Variants in KRABD2 observed in about 807,000 individuals in gnomAD.
The protein encoded by KRABD2 is KRAB domain-containing protein 2.
chr17:8,360,366 T>G, the KRABD2 span, among the ~76,000 whole-genome samples: 2 of 152,126 alleles, frequency 1.3e-5, no homozygotes, highest in Non-Finnish European at 1.5e-5. Flanking sequence ...AGTCTCATAT[T>G]AAAACGGAAA....
chr17:8,361,543 G>C, the KRABD2 span, among the ~76,000 whole-genome samples: 1 of 152,186 alleles, frequency 6.6e-6, no homozygotes, highest in Non-Finnish European at 1.5e-5. Flanking sequence ...GTCCAACTTG[G>C]ATGCCAGGTT....
At chr17:8,371,999 C>T in the KRABD2 span, 2 of 985,674 alleles carry the variant, frequency 2.0e-6, no homozygotes, top group Non-Finnish European at 2.4e-6. Context: ...CACATGAGGA[C>T]TGCAGGAATT....
At chr17:8,366,975 C>A in the KRABD2 span, among the ~76,000 whole-genome samples, 1 of 151,986 alleles carries the variant, frequency 6.6e-6, no homozygotes, top group Admixed American at 6.6e-5. Flanking sequence ...GCCGCCTAAG[C>A]CTCCAAAGTG....
chr17:8,369,028 C>A, the KRABD2 span: 3 of 1,475,680 alleles, frequency 2.0e-6, no homozygotes, highest in Non-Finnish European at 2.7e-6. Context: ...TACAACTTGA[C>A]CTGAGAGTGC....
chr17:8,363,834 T>TACATAC, the KRABD2 span, among the ~76,000 whole-genome samples: 1 of 45,372 alleles, frequency 2.2e-5, no homozygotes, highest in Non-Finnish European at 4.6e-5. Context: ...ATCATACATA[T>TACATAC]ATATATATAT....
the KRABD2 span, chr17:8,371,849 A>T: frequency 9.6e-7 from 1 of 1,041,652 alleles, no homozygotes; most frequent in Non-Finnish European, 1.2e-6. Flanking sequence ...TCCTGCAGAA[A>T]AGAGATACCC....
the KRABD2 span, among the ~76,000 whole-genome samples, chr17:8,363,791 T>C: frequency 6.9e-6 from 1 of 145,010 alleles, no homozygotes; most frequent in Non-Finnish European, 1.5e-5. Context: ...GTCATACATA[T>C]ATATCATACA....
At chr17:8,364,351 CTTTTTCT>C in the KRABD2 span, among the ~76,000 whole-genome samples, 3 of 152,110 alleles carry the variant, frequency 2.0e-5, no homozygotes, top group South Asian at 2.1e-4. The surrounding 1 kb of genome is among the most constrained non-coding windows in gnomAD (Gnocchi z 4.4). Flanking sequence ...GGCCATTTTT[CTTTTTCT>C]TTTTTCTTTT....
the KRABD2 span, chr17:8,371,920 A>C: frequency 1.0e-6 from 1 of 993,026 alleles, no homozygotes. Context: ...CTTGATACTC[A>C]GTTGTCTAAA....
the KRABD2 span, chr17:8,369,257 G>T: frequency 4.3e-6 from 7 of 1,614,200 alleles, no homozygotes; most frequent in Non-Finnish European, 5.9e-6. Flanking sequence ...CTTCCTGCCT[G>T]ATCCAAAGGC....
chr17:8,369,495 C>T, the KRABD2 span: 1 of 1,614,054 alleles, frequency 6.2e-7, no homozygotes, highest in Middle Eastern at 1.6e-4. Flanking sequence ...CATCCAGGTA[C>T]TTATCATGTT....
the KRABD2 span, among the ~76,000 whole-genome samples, chr17:8,375,570 T>TTTA: frequency 6.6e-6 from 1 of 151,258 alleles, no homozygotes; most frequent in Admixed American, 6.6e-5. Context: ...GGGTCTCACT[T>TTTA]TGTCACCCAG....
At chr17:8,365,209 G>C in the KRABD2 span, among the ~76,000 whole-genome samples, 1 of 152,080 alleles carries the variant, frequency 6.6e-6, no homozygotes, top group Non-Finnish European at 1.5e-5. Context: ...TGCAAAAGAG[G>C]AAGAGTGATG....
chr17:8,374,434 G>C, the KRABD2 span, among the ~76,000 whole-genome samples: 1 of 151,938 alleles, frequency 6.6e-6, no homozygotes, highest in Non-Finnish European at 1.5e-5. Flanking sequence ...CAGCATGCTC[G>C]CTAAGAGTCA....
chr17:8,358,911 A>G, the KRABD2 span, among the ~76,000 whole-genome samples: 3 of 152,222 alleles, frequency 2.0e-5, no homozygotes, highest in Non-Finnish European at 2.9e-5. Context: ...CAGGAAATTA[A>G]CTTTGATACA....
the KRABD2 span, chr17:8,359,446 T>G: frequency 5.2e-6 from 2 of 381,138 alleles, no homozygotes; most frequent in East Asian, 1.4e-4. Context: ...TTTACAGACT[T>G]ACAAGTCTTT....
the KRABD2 span, among the ~76,000 whole-genome samples, chr17:8,375,485 T>A: frequency 6.6e-6 from 1 of 151,998 alleles, no homozygotes; most frequent in Non-Finnish European, 1.5e-5. Flanking sequence ...CCTATTCATC[T>A]TACTTGCCCA....
At chr17:8,362,126 A>C in the KRABD2 span, among the ~76,000 whole-genome samples, 8 of 152,122 alleles carry the variant, frequency 5.3e-5, no homozygotes, top group Non-Finnish European at 1.0e-4. This position sits in a 1 kb window ranked among gnomAD's most constrained non-coding sequence, Gnocchi z 4.2. Flanking sequence ...TCAGGAGATC[A>C]AGACCGACCG....
chr17:8,370,068 T>A, the KRABD2 span: 2 of 1,614,126 alleles, frequency 1.2e-6, no homozygotes, highest in Non-Finnish European at 1.7e-6. Flanking sequence ...CCGTATTCGA[T>A]CACGTTCTCC....
Sources: gnomAD v4.1 joint callset for allele counts (sites outside exome capture counted in the v4.1 genomes callset) on GRCh38, gnomAD v4.1.1 for gene constraint, Gnocchi (gnomAD v3.1) non-coding constraint, MANE v1.5 for transcripts, NCBI Gene and HGNC (gene_info 2026-07-23, HGNC 2026-07-21) for gene names.